TTC29: variants seen among roughly 807,000 people sequenced by gnomAD.
TTC29 encodes the protein tetratricopeptide repeat domain 29.
TTC29 carries 49 observed loss-of-function variants against 58.1 expected under a neutral mutation model. The observed-to-expected ratio is 0.84, with a 90% CI of 0.67 to 1.07. The LOEUF (loss-of-function observed/expected upper bound fraction) is 1.07. TTC29 is among the 50% of genes least tolerant of loss of function. The probability of loss-of-function intolerance (pLI) is 0.00; values close to 1 mark genes in which losing one functional copy is unlikely to be tolerated. For missense variants in TTC29, 582 were observed against 555.6 expected, an observed-to-expected ratio of 1.05 and a Z score of -0.48; for synonymous variants, 209 against 196.8, an observed-to-expected ratio of 1.06 and a Z score of -0.52.
intron 11 of TTC29, among the ~76,000 whole-genome samples, chr4:146,751,317 T>TAATCC (rs1745974424): frequency 6.6e-6 from 1 of 152,162 alleles, no homozygotes; most frequent in South Asian, 2.1e-4. Flanking sequence ...GACATAAAAT[T>TAATCC]AATCCATAAA....
chr4:146,724,043 AC>A (rs1437281944), intron 11 of TTC29, among the ~76,000 whole-genome samples: 1 of 152,222 alleles, frequency 6.6e-6, no homozygotes, highest in African/African-American at 2.4e-5. Context: ...CTATGCAGTC[AC>A]AAAAAGAGTG....
At chr4:146,913,922 C>T (rs989231391) in intron 4 of TTC29, among the ~76,000 whole-genome samples, 2 of 152,082 alleles carry the variant, frequency 1.3e-5, no homozygotes, top group African/African-American at 4.8e-5. Context: ...TAAAAAAGAT[C>T]ATTCTTTACA....
chr4:146,793,590 A>C (rs1579686876), intron 11 of TTC29, among the ~76,000 whole-genome samples: 1 of 152,254 alleles, frequency 6.6e-6, no homozygotes, highest in East Asian at 1.9e-4. Context: ...CTTTATTGCA[A>C]TGATCTGGAA....
intron 8 of TTC29, among the ~76,000 whole-genome samples, chr4:146,856,684 ATTT>A (rs1228416912): frequency 6.7e-6 from 1 of 148,976 alleles, no homozygotes; most frequent in Non-Finnish European, 1.5e-5. Flanking sequence ...TAACATTATT[ATTT>A]ATTAATTAAT....
At chr4:146,938,199 G>C (rs1440770532) in intron 3 of TTC29, among the ~76,000 whole-genome samples, 2 of 152,012 alleles carry the variant, frequency 1.3e-5, no homozygotes, top group Admixed American at 1.3e-4. Context: ...AGCCCTTATT[G>C]AAAATGTATT....
At chr4:146,735,456 C>T (rs1399936725) in intron 11 of TTC29, among the ~76,000 whole-genome samples, 4 of 152,108 alleles carry the variant, frequency 2.6e-5, no homozygotes, top group Admixed American at 6.6e-5. Context: ...ACCCACGGCT[C>T]GCTACTGAAC....
chr4:146,756,357 C>T (rs1382275012), intron 11 of TTC29, among the ~76,000 whole-genome samples: 1 of 151,568 alleles, frequency 6.6e-6, no homozygotes, highest in Admixed American at 6.6e-5. Flanking sequence ...ATCAAGTAGG[C>T]ATTACATCCA....
intron 8 of TTC29, among the ~76,000 whole-genome samples, chr4:146,840,144 T>C (rs1241551164): frequency 6.6e-6 from 1 of 151,838 alleles, no homozygotes; most frequent in African/African-American, 2.4e-5. Context: ...TCTCTTAATC[T>C]TTTAAGTGGG....
chr4:146,906,287 T>C (rs1733516234), intron 5 of TTC29, among the ~76,000 whole-genome samples: 1 of 152,310 alleles, frequency 6.6e-6, no homozygotes, highest in East Asian at 1.9e-4. Flanking sequence ...TAAAGTAATT[T>C]AAATAACTCT....
At chr4:146,758,095 A>G (rs2150057700) in intron 11 of TTC29, among the ~76,000 whole-genome samples, 1 of 152,264 alleles carries the variant, frequency 6.6e-6, no homozygotes. Context: ...TGCCTTCAGG[A>G]GACTTACCTA....
intron 11 of TTC29, among the ~76,000 whole-genome samples, chr4:146,801,495 T>A (rs1750213668): frequency 6.6e-6 from 1 of 152,172 alleles, no homozygotes; most frequent in African/African-American, 2.4e-5. Context: ...GAGTGTTTTA[T>A]TTTATAGCAT....
chr4:146,882,079 C>A (rs532114446), intron 6 of TTC29, among the ~76,000 whole-genome samples: 19 of 152,004 alleles, frequency 1.2e-4, no homozygotes, highest in Non-Finnish European at 2.6e-4. Context: ...TTTGGGAGAA[C>A]CTCACCCAGG....
At chr4:146,724,124 A>C (rs1743586980) in intron 11 of TTC29, among the ~76,000 whole-genome samples, 1 of 152,222 alleles carries the variant, frequency 6.6e-6, no homozygotes, top group Admixed American at 6.5e-5. Flanking sequence ...ATGCAGGAAC[A>C]GAAAACCAAA....
chr4:146,815,002 TA>T (rs1207850668), intron 10 of TTC29, among the ~76,000 whole-genome samples: 1 of 152,072 alleles, frequency 6.6e-6, no homozygotes, highest in Non-Finnish European at 1.5e-5. Flanking sequence ...AGGTCAGAGA[TA>T]GGGGTGGGGC....
chr4:146,902,431 C>T (rs1733213335), intron 6 of TTC29, among the ~76,000 whole-genome samples: 1 of 152,154 alleles, frequency 6.6e-6, no homozygotes, highest in Admixed American at 6.6e-5. Context: ...CATATGTACC[C>T]CTGAACTTAA....
intron 10 of TTC29, among the ~76,000 whole-genome samples, chr4:146,812,580 C>G (rs1434670053): frequency 1.3e-5 from 2 of 152,064 alleles, no homozygotes; most frequent in Admixed American, 6.6e-5. Context: ...AAAATGGGAG[C>G]TTTATAATTA....
chr4:146,887,121 A>C (rs1283032180), intron 6 of TTC29, among the ~76,000 whole-genome samples: 5 of 152,190 alleles, frequency 3.3e-5, no homozygotes, highest in African/African-American at 9.6e-5. Flanking sequence ...AAGATGAATC[A>C]GTTCTACAGA....
At chr4:146,780,303 GT>G (rs1332042212) in intron 11 of TTC29, among the ~76,000 whole-genome samples, 652 of 10,106 alleles carry the variant, frequency 0.065, 9 homozygotes, top group East Asian at 0.33. Flanking sequence ...CTAACTTGGG[GT>G]GTGTGTGTGT....
intron 11 of TTC29, among the ~76,000 whole-genome samples, chr4:146,734,120 C>T (rs1180173841): frequency 6.6e-6 from 1 of 152,066 alleles, no homozygotes; most frequent in Non-Finnish European, 1.5e-5. Flanking sequence ...TTTTTCAAAA[C>T]ATTTTCTATT....
Sources: allele counts gnomAD v4.1 joint callset (sites outside exome capture counted in the v4.1 genomes callset), GRCh38; gene constraint gnomAD v4.1.1; transcripts MANE v1.5; gene names NCBI Gene and HGNC (gene_info 2026-07-23, HGNC 2026-07-21).